Variants in PMEPA1 observed in about 807,000 individuals in gnomAD.
PMEPA1 encodes the protein prostate transmembrane protein, androgen induced 1, also known as protein TMEPAI.
Under a neutral mutation model 23.0 loss-of-function variants are expected in PMEPA1, and 11 were observed. The ratio of observed to expected loss-of-function variants is 0.48; its 90% CI spans 0.30 to 0.79. PMEPA1 has a LOEUF of 0.79. Among genes scored for constraint, PMEPA1 ranks in the 30% least tolerant of loss-of-function variants. PMEPA1 has a pLI of 0.06. For synonymous variants in PMEPA1, 204 were observed against 166.4 expected (o/e 1.23, Z -1.74); for missense variants, 377 against 390.9 (o/e 0.96, Z 0.30).
chr20:57,694,533 T>G (rs911141945), intron 1 of PMEPA1, among the ~76,000 whole-genome samples: 1 of 152,246 alleles, frequency 6.6e-6, no homozygotes, highest in African/African-American at 2.4e-5. Flanking sequence ...TTTATAGATT[T>G]CTTGGAACTG....
Position 57,679,588 on chromosome 20 carries a change from G to A in PMEPA1, c.110-19891C>T, listed in dbSNP as rs1265490663. Reference sequence around the variant, plus strand: ...ACCTGCAGGGAATGGACTTACAAGCGCCCGCTATGGATGAACAGATTCCAA... The same window carrying A: ...ACCTGCAGGGAATGGACTTACAAGCACCCGCTATGGATGAACAGATTCCAA... On this transcript the variant is annotated intron_variant, in intron 1 of 3. Coordinates refer to ENST00000341744, the MANE Select transcript of PMEPA1 (RefSeq NM_020182.5). Among the ~76,000 whole-genome samples, 6 of 152,276 alleles carry A rather than the reference G, an allele frequency of 3.9e-5. No individual in the cohort carries two copies. The South Asian group carries it at 6.2e-4, about 16-fold the overall frequency.
chr20:57,670,607 C>A (rs992402035), intron 1 of PMEPA1, among the ~76,000 whole-genome samples: 1 of 152,314 alleles, frequency 6.6e-6, no homozygotes, highest in East Asian at 1.9e-4. Context: ...CCCACACTAA[C>A]TCCCACTTGG....
intron 1 of PMEPA1, among the ~76,000 whole-genome samples, chr20:57,693,126 G>T (rs1031480744): frequency 6.6e-6 from 1 of 152,232 alleles, no homozygotes; most frequent in South Asian, 2.1e-4. Context: ...GCAGCCAGGA[G>T]CTGTGTCTGA....
intron 1 of PMEPA1, among the ~76,000 whole-genome samples, chr20:57,665,433 C>G (rs941012336): frequency 1.3e-5 from 2 of 151,690 alleles, no homozygotes; most frequent in African/African-American, 2.4e-5. Context: ...ATGTTCTGGT[C>G]CAGTCCTCGT....
Position 57,682,336 on chromosome 20 carries a change from T to C in PMEPA1, c.110-22639A>G, listed in dbSNP as rs1448123385. ...TCCACCAGCGGTTCCCTGTGTGACC[T>C]TGGGCAAGCTGTTCTCTGAGCCTCG... On this transcript the variant is annotated intron_variant, in intron 1 of 3. Transcript: ENST00000341744. This position sits in a 1 kb window ranked among gnomAD's most constrained non-coding sequence, Gnocchi z 4.4. 6.6e-6 allele frequency among the ~76,000 whole-genome samples: 1 copy of C among 152,150 alleles called. No homozygotes were observed. Among genetic ancestry groups the C allele is most frequent in the Non-Finnish European group, 1.5e-5 (1 of 68,026 alleles).
chr20:57,671,936 T>G (rs559431695), intron 1 of PMEPA1, among the ~76,000 whole-genome samples: 18 of 152,334 alleles, frequency 1.2e-4, no homozygotes, highest in African/African-American at 4.1e-4. Context: ...TCCCAGGAAT[T>G]GAATCCAATT....
In PMEPA1 at chr20:57,709,860, G is replaced by T; in HGVS notation, c.-278C>A. 2.0e-6 allele frequency: 2 copies of T among 988,646 alleles called. No homozygotes were observed. The highest frequency in any genetic ancestry group is 2.4e-6 in the Non-Finnish European group (2 of 832,522). 61.2% of individuals were successfully genotyped at this position (988,646 alleles called of 1,614,324 possible). A position where few individuals can be genotyped will look rare whatever the true frequency, so the allele number is the denominator to read the frequency against. Reference sequence around the variant, plus strand: ...GTCCGGAAAATGGGCTGGCAGCGGGGCGCGCGCTGCCGCCGGGGCTGAGCC... The same window carrying T: ...GTCCGGAAAATGGGCTGGCAGCGGGTCGCGCGCTGCCGCCGGGGCTGAGCC... On this transcript the variant is annotated 5_prime_UTR_variant, in exon 1 of 4. Transcript: ENST00000341744.
In PMEPA1 at chr20:57,709,744, C is replaced by T. The variant is rs1034715267; in HGVS notation, c.-162G>A. 7.1e-6 allele frequency: 7 copies of T among 979,644 alleles called. No individual in the cohort carries two copies. In the African/African-American group the frequency reaches 1.1e-4, roughly 15 times the overall value. The allele number at this position is 979,644 out of a possible 1,614,324, so 60.7% of individuals were successfully genotyped here. On this transcript the variant is annotated 5_prime_UTR_variant, in exon 1 of 4. Coordinates refer to ENST00000341744, the MANE Select transcript of PMEPA1 (RefSeq NM_020182.5). ...GGTCGCCGCCAAGTTCCCGGGGCGC[C>T]GCGGGGCTCAGTGCGCGGGACCGCG...
At chr20:57,703,606 C>T (rs868196100) in intron 1 of PMEPA1, among the ~76,000 whole-genome samples, 13 of 152,320 alleles carry the variant, frequency 8.5e-5, no homozygotes, top group African/African-American at 1.7e-4. Context: ...GCCAGGTCTG[C>T]GGTGGGCCTG....
chr20:57,668,490 G>A (rs1243471858), intron 1 of PMEPA1, among the ~76,000 whole-genome samples: 1 of 152,200 alleles, frequency 6.6e-6, no homozygotes, highest in Non-Finnish European at 1.5e-5. Context: ...TCTGGGCTAG[G>A]CTCCTCCTAC....
Position 57,682,691 on chromosome 20 carries a change from G to A in PMEPA1, c.110-22994C>T, listed in dbSNP as rs962534466. On this transcript the variant is annotated intron_variant, in intron 1 of 3. Coordinates refer to ENST00000341744, the MANE Select transcript of PMEPA1 (RefSeq NM_020182.5). This position sits in a 1 kb window ranked among gnomAD's most constrained non-coding sequence, Gnocchi z 4.4. ...ATCCCTGAAACAGCACCCACTCCCT[G>A]TCAAGTCTGTGTCCCCATCGCCAGC... Among the ~76,000 whole-genome samples, 1 of 152,160 alleles carries A rather than the reference G, an allele frequency of 6.6e-6. No homozygotes were observed. The highest frequency in any genetic ancestry group is 6.5e-5 in the Admixed American group (1 of 15,282).
rs2071232884 is a variant in PMEPA1, at chr20:57,651,797, T to G, written c.*256A>C. On this transcript the variant is annotated 3_prime_UTR_variant, in exon 4 of 4. Coordinates refer to ENST00000341744, the MANE Select transcript of PMEPA1 (RefSeq NM_020182.5). Reference sequence around the variant, plus strand: ...GAAAGACTACTGTAGAAATTTTTTTTCTTTTGCCTTCAAGACACAGCTCAA... The same window carrying G: ...GAAAGACTACTGTAGAAATTTTTTTGCTTTTGCCTTCAAGACACAGCTCAA... 1 of 339,184 alleles carries G rather than the reference T, an allele frequency of 2.9e-6. No individual in the cohort carries two copies. Among genetic ancestry groups the G allele is most frequent in the Non-Finnish European group, 5.3e-6 (1 of 190,452 alleles). 21.0% of individuals were successfully genotyped at this position (339,184 alleles called of 1,614,324 possible). A position where few individuals can be genotyped will look rare whatever the true frequency, so the allele number is the denominator to read the frequency against.
rs553660086 is a variant in PMEPA1 at position 57,657,541 on chromosome 20, G to A, written c.264+2002C>T. Among the ~76,000 whole-genome samples the A allele has an allele frequency of 9.8e-5, 15 of 152,328 alleles. No homozygotes were observed. The East Asian group carries it at 2.1e-3, about 22-fold the overall frequency. On this transcript the variant is annotated intron_variant, in intron 2 of 3. Transcript: ENST00000341744. Reference sequence around the variant, plus strand: ...GGTAGCAACAGCAAATAAACACGTCGGGGCTTGAGAGCAGCAGGTCTGCAG... The same window carrying A: ...GGTAGCAACAGCAAATAAACACGTCAGGGCTTGAGAGCAGCAGGTCTGCAG...
chr20:57,668,768 T>A (rs897167052), intron 1 of PMEPA1, among the ~76,000 whole-genome samples: 1 of 152,234 alleles, frequency 6.6e-6, no homozygotes, highest in African/African-American at 2.4e-5. Context: ...TGTTTTCTGT[T>A]CTATAAAAGC....
At chr20:57,705,233 C>T (rs1017856153) in intron 1 of PMEPA1, among the ~76,000 whole-genome samples, 1 of 152,190 alleles carries the variant, frequency 6.6e-6, no homozygotes, top group Non-Finnish European at 1.5e-5. Flanking sequence ...TTGACAAATG[C>T]TAAACTCACC....
At position 57,654,014 on chromosome 20, in the gene PMEPA1, A is replaced by C. The variant is rs138353982; in HGVS notation, c.265-928T>G. On this transcript the variant is annotated intron_variant, in intron 2 of 3. Coordinates refer to ENST00000341744, the MANE Select transcript of PMEPA1 (RefSeq NM_020182.5). ...CAAGGCGGCTGCTCTGCCATAAAACAGTGATTCAGCCTCTGGCAAAGGAGG... is the reference window on the plus strand; with the variant it reads ...CAAGGCGGCTGCTCTGCCATAAAACCGTGATTCAGCCTCTGGCAAAGGAGG... Among the ~76,000 whole-genome samples the C allele has an allele frequency of 5.1e-3, 775 of 152,262 alleles. 10 individuals carry two copies. Among genetic ancestry groups the C allele is most frequent in the African/African-American group, 0.018 (735 of 41,554 alleles).
chr20:57,664,523 G>A (rs1020211061), intron 1 of PMEPA1, among the ~76,000 whole-genome samples: 1 of 152,224 alleles, frequency 6.6e-6, no homozygotes, highest in African/African-American at 2.4e-5. Flanking sequence ...ATATAAACAC[G>A]GCTCTCCACC....
Position 57,649,278 on chromosome 20 carries a change from A to G in PMEPA1, c.*2775T>C, listed in dbSNP as rs778461476. ...ACGTGACAACTACCATCTAGAGGAA[A>G]GGGTGCACCCTCAGCAGAGAAGCCG... is the stretch of plus-strand genomic sequence containing the variant. On this transcript the variant is annotated 3_prime_UTR_variant, in exon 4 of 4. Transcript: ENST00000341744. 3.3e-5 allele frequency: 5 copies of G among 152,232 alleles called. No homozygotes were observed. The highest frequency in any genetic ancestry group is 5.9e-5 in the Non-Finnish European group (4 of 68,050). The allele number at this position is 152,232 out of a possible 1,614,324, so 9.4% of individuals were successfully genotyped here.
Position 57,704,995 on chromosome 20 carries a change from T to C in PMEPA1, c.109+4479A>G, listed in dbSNP as rs2072059266. On this transcript the variant is annotated intron_variant, in intron 1 of 3. Coordinates refer to ENST00000341744, the MANE Select transcript of PMEPA1 (RefSeq NM_020182.5). This position sits in a 1 kb window ranked among gnomAD's most constrained non-coding sequence, Gnocchi z 4.6. ...TGGAGAGGGTGCATACCTTCGCACC[T>C]CTTACAGGGGAGAATGTGCACTCTT... Among the ~76,000 whole-genome samples the C allele has an allele frequency of 6.6e-6, 1 of 152,158 alleles. No homozygotes were observed. Among genetic ancestry groups the C allele is most frequent in the South Asian group, 2.1e-4 (1 of 4,830 alleles).
Sources: allele counts gnomAD v4.1 joint callset (sites outside exome capture counted in the v4.1 genomes callset), GRCh38; gene constraint gnomAD v4.1.1; non-coding constraint Gnocchi (gnomAD v3.1); transcripts MANE v1.5; gene names NCBI Gene and HGNC (gene_info 2026-07-23, HGNC 2026-07-21).